The following AHI1 variants were observed in gnomAD, a reference collection of about 807,000 sequenced individuals.
The protein encoded by AHI1 is jouberin.
In AHI1, 123 loss-of-function variants were observed where a neutral mutation model predicts 149.3. That is an observed-to-expected ratio of 0.82 (90% confidence interval 0.71 to 0.96). The LOEUF is 0.96. AHI1 is among the 40% of genes least tolerant of loss of function. The pLI is 0.00. For missense variants in AHI1, 1,439 were observed against 1,422.7 expected (o/e 1.01, Z -0.18); for synonymous variants, 475 against 459.8 (o/e 1.03, Z -0.42).
chr6:135,353,914 C>T (rs1792551954), intron 24 of AHI1, among the ~76,000 whole-genome samples: 1 of 152,040 alleles, frequency 6.6e-6, no homozygotes, highest in Admixed American at 6.5e-5. Context: ...AAATTAATAG[C>T]TTTTAAAATT....
chr6:135,467,444 T>C (rs1461592121), intron 6 of AHI1, 137 bp downstream of exon 6: 3 of 680,808 alleles, frequency 4.4e-6, no homozygotes, highest in Admixed American at 2.6e-5. Flanking sequence ...AATAAAATTC[T>C]GAATGATAAA....
chr6:135,463,647 T>C (rs1790282397), intron 7 of AHI1, among the ~76,000 whole-genome samples: 1 of 152,238 alleles, frequency 6.6e-6, no homozygotes, highest in Non-Finnish European at 1.5e-5. Context: ...AAGTAAATGA[T>C]TTATCAACCA....
intron 24 of AHI1, among the ~76,000 whole-genome samples, chr6:135,351,822 T>C (rs980228577): frequency 6.6e-6 from 1 of 152,180 alleles, no homozygotes; most frequent in African/African-American, 2.4e-5. Flanking sequence ...AGGAGGAGAA[T>C]GGTTCCTGAC....
chr6:135,423,411 G>A (rs2757638), intron 20 of AHI1, among the ~76,000 whole-genome samples: 134,182 of 152,168 alleles, frequency 0.88, 59,810 homozygotes, highest in East Asian at 0.97. Flanking sequence ...CTTCTAGGCA[G>A]TGAGCAACTT....
At chr6:135,403,682 G>A (rs185004362) in intron 22 of AHI1, among the ~76,000 whole-genome samples, 1 of 152,302 alleles carries the variant, frequency 6.6e-6, no homozygotes, top group African/African-American at 2.4e-5. Flanking sequence ...TACACAATGA[G>A]TACTTCAGAA....
chr6:135,376,524 C>T (rs539345000), intron 23 of AHI1, among the ~76,000 whole-genome samples: 1 of 151,882 alleles, frequency 6.6e-6, no homozygotes, highest in South Asian at 2.1e-4. Flanking sequence ...AGTATTTTTG[C>T]CAAAAAAGTT....
chr6:135,374,096 ATATATATATATATTTTTT>A (rs1775488932), intron 23 of AHI1, among the ~76,000 whole-genome samples: 4 of 20,794 alleles, frequency 1.9e-4, no homozygotes, highest in South Asian at 3.0e-3. Context: ...ATATATATAT[ATATATATATATATTTTTT>A]TTTTTTTTTT....
At chr6:135,490,897 A>G (rs898908384) in intron 4 of AHI1, 150 bp from the exon 5 acceptor site, 2 of 1,057,794 alleles carry the variant, frequency 1.9e-6, no homozygotes, top group African/African-American at 3.2e-5. Flanking sequence ...CCTTCTTAAA[A>G]TATTTTTTAT....
intron 20 of AHI1, among the ~76,000 whole-genome samples, chr6:135,422,051 A>G (rs559989456): frequency 7.2e-5 from 11 of 152,346 alleles, no homozygotes; most frequent in African/African-American, 2.6e-4. Context: ...GTATTTCTAC[A>G]TTTGTAGATG....
chr6:135,301,316 T>A, intron 26 of AHI1: 13 of 970,612 alleles, frequency 1.3e-5, no homozygotes, highest in Non-Finnish European at 1.6e-5. Flanking sequence ...TTCAATAATA[T>A]ACAAATGAAA....
chr6:135,348,852 T>A (rs1791639293), intron 24 of AHI1, among the ~76,000 whole-genome samples: 1 of 152,224 alleles, frequency 6.6e-6, no homozygotes, highest in African/African-American at 2.4e-5. Flanking sequence ...GAGAGATTAC[T>A]GTGTGTTAGA....
At chr6:135,462,722 G>A (rs1457052990) in intron 8 of AHI1, among the ~76,000 whole-genome samples, 2 of 152,122 alleles carry the variant, frequency 1.3e-5, no homozygotes, top group Non-Finnish European at 2.9e-5. Context: ...CCAACATGGT[G>A]AAACCCCGTC....
At chr6:135,347,969 CT>C (rs1336155911) in intron 24 of AHI1, among the ~76,000 whole-genome samples, 2 of 152,176 alleles carry the variant, frequency 1.3e-5, no homozygotes, top group African/African-American at 4.8e-5. Context: ...TTTTTTCCCC[CT>C]CTACGGATTT....
Position 135,393,467 on chromosome 6 carries a change from C to T in AHI1, c.3109+1309G>A, listed in dbSNP as rs79693856. On this transcript the variant is annotated intron_variant, in intron 23 of 28. Transcript: ENST00000265602. ...AGAGTGGTGGAGAGAGGTTCCCTCC[C>T]TCCTAGTTATAAGAATGACAAGGTC... 3.7e-4 allele frequency among the ~76,000 whole-genome samples: 57 copies of T among 152,170 alleles called. 2 individuals are homozygous for T. In the East Asian group the frequency reaches 0.011, roughly 28 times the overall value.
intron 22 of AHI1, among the ~76,000 whole-genome samples, chr6:135,395,897 T>C (rs1779147742): frequency 6.6e-6 from 1 of 151,800 alleles, no homozygotes; most frequent in Non-Finnish European, 1.5e-5. Flanking sequence ...ACAGAGGACT[T>C]CTACTGTGCA....
intron 7 of AHI1, among the ~76,000 whole-genome samples, chr6:135,465,403 A>G (rs1790582582): frequency 6.6e-6 from 1 of 152,174 alleles, no homozygotes; most frequent in South Asian, 2.1e-4. Context: ...TGTTATCTGT[A>G]TAAGAAAAAA....
intron 4 of AHI1, 32 bp downstream of exon 4, chr6:135,492,196 A>G: frequency 6.9e-7 from 1 of 1,452,514 alleles, no homozygotes; most frequent in African/African-American, 1.4e-5. Context: ...ATAAAATATA[A>G]ATTTTATACA....
rs1424578270 is a variant in AHI1, at chr6:135,300,519, C to G, written c.3466G>C (p.Gly1156Arg). 1.9e-6 allele frequency: 3 copies of G among 1,608,878 alleles called. No individual in the cohort carries two copies. Among genetic ancestry groups the G allele is most frequent in the African/African-American group, 2.7e-5 (2 of 74,902 alleles). ...NKNKSQDFRL[G>R]SESMTHSEMR... ...GCTTACTGTGTCATAGATTCTGAGCCTAGTCTGAAGTCCTGGGACTTGTTC... is the reference window on the plus strand; with the variant it reads ...GCTTACTGTGTCATAGATTCTGAGCGTAGTCTGAAGTCCTGGGACTTGTTC... Residue 1156 changes from glycine (G) to arginine (R), a missense_variant, in exon 27 of 29, where the codon GGC becomes CGC. Transcript: ENST00000265602.
chr6:135,378,190 T>A (rs1776222644), intron 23 of AHI1, among the ~76,000 whole-genome samples: 1 of 152,206 alleles, frequency 6.6e-6, no homozygotes, highest in Non-Finnish European at 1.5e-5. Flanking sequence ...GACTAGTTAT[T>A]TGCAACTCAC....
Sources: allele counts gnomAD v4.1 joint callset (sites outside exome capture counted in the v4.1 genomes callset), GRCh38; gene constraint gnomAD v4.1.1; transcripts MANE v1.5; gene names NCBI Gene and HGNC (gene_info 2026-07-23, HGNC 2026-07-21).